Variants in SH3TC1 observed in about 807,000 individuals in gnomAD.
The protein encoded by SH3TC1 is SH3 domain and tetratricopeptide repeats 1.
Under a neutral mutation model 117.3 loss-of-function variants are expected in SH3TC1, and 135 were observed. That is an observed-to-expected ratio of 1.15 (90% CI 1.00 to 1.33). SH3TC1 has a LOEUF of 1.33. Among genes scored for constraint, SH3TC1 ranks in the 40% most tolerant of loss-of-function variants. The probability of loss-of-function intolerance (pLI) is 0.00; values close to 1 mark genes in which losing one functional copy is unlikely to be tolerated. For synonymous variants in SH3TC1, 898 were observed against 816.9 expected (o/e 1.10, Z -1.69); for missense variants, 2,092 against 1,794.3 (o/e 1.17, Z -3.00).
chr4:8,230,580 C>T (rs1578734423), intron 12 of SH3TC1, among the ~76,000 whole-genome samples: 1 of 152,134 alleles, frequency 6.6e-6, no homozygotes, highest in Admixed American at 6.5e-5. Context: ...ATTTTTACTT[C>T]CCATTTCCAC....
upstream of SH3TC1, among the ~76,000 whole-genome samples, chr4:8,198,101 G>GCCC (rs560401225): frequency 6.6e-6 from 1 of 152,114 alleles, no homozygotes; most frequent in Non-Finnish European, 1.5e-5. Context: ...GCACAGGACA[G>GCCC]CCCCCCGCCC....
chr4:8,237,463 C>G lies in SH3TC1; in HGVS notation c.3557-11C>G. 1 of 1,538,324 alleles carries G rather than the reference C, an allele frequency of 6.5e-7. No homozygotes were observed. The highest frequency in any genetic ancestry group is 8.7e-7 in the Non-Finnish European group (1 of 1,142,946). ...ACGTCCTCACACCTGCCCCCTTGGCCTGCACCCCAGGGGACCGGCTGAACG... is the reference window on the plus strand; with the variant it reads ...ACGTCCTCACACCTGCCCCCTTGGCGTGCACCCCAGGGGACCGGCTGAACG... On this transcript the variant is annotated splice_polypyrimidine_tract_variant and intron_variant, in intron 16 of 17. Transcript: ENST00000245105.
rs953919037 is a variant in SH3TC1 at position 8,192,423 on chromosome 4, C to A, written c.-57+10213C>A. Among the ~76,000 whole-genome samples the A allele has an allele frequency of 6.6e-6, 1 of 151,212 alleles. No homozygotes were observed. The highest frequency in any genetic ancestry group is 1.5e-5 in the Non-Finnish European group (1 of 67,764). On this transcript the variant is annotated intron_variant, in intron 1 of 16. Transcript: ENST00000508641. This position sits in a 1 kb window ranked among gnomAD's most constrained non-coding sequence, Gnocchi z 4.1. ...TTGTAAGCCTGAAGGTTGTAAATTA[C>A]AATCTTCTTATCCAACCACTTGTCT...
At chr4:8,216,001 C>A (rs1294270890) in intron 5 of SH3TC1, 110 bp from the exon 6 acceptor site, 12 of 1,324,940 alleles carry the variant, frequency 9.1e-6, no homozygotes, top group African/African-American at 2.9e-5. Context: ...CTTCCATGGT[C>A]TCCCTGGACC....
At chr4:8,191,978 T>C (rs1481184213) in intron 1 of SH3TC1, among the ~76,000 whole-genome samples, 1 of 149,946 alleles carries the variant, frequency 6.7e-6, no homozygotes, top group African/African-American at 2.5e-5. Flanking sequence ...TTTATTTATT[T>C]ATTTATTTAT....
rs1485595704 is a variant in SH3TC1 at position 8,204,498 on chromosome 4, C to A, written c.-28-669C>A. Among the ~76,000 whole-genome samples the A allele has an allele frequency of 5.9e-5, 9 of 152,168 alleles. No individual in the cohort carries two copies. In the East Asian group the frequency reaches 1.5e-3, roughly 26 times the overall value. ...GGTGTTCTGGAGGGGCAGGGTGGAC[C>A]TTTCCCCACCCACAATCAGTGAACA... On this transcript the variant is annotated intron_variant, in intron 1 of 17. Transcript: ENST00000245105.
Position 8,226,986 on chromosome 4 carries a change from C to T in SH3TC1, c.1292C>T (p.Pro431Leu), listed in dbSNP as rs775129516. The change falls in exon 12 of 18, where the codon CCT (proline) becomes CTT (leucine). Residue 431 changes from proline to leucine, a missense_variant. Pro to Leu is a moderately conservative substitution (Grantham distance 98, BLOSUM62 -3). Coordinates refer to ENST00000245105, the MANE Select transcript of SH3TC1 (RefSeq NM_018986.5). ...GTGTTTTTGTGACTTGCAGAAATAC[C>T]TCCACCTTGCCTGAGCCTGGAGCCA... The part of the protein sequence containing the change: ...ETEQPQEKEI[P>L]PPCLSLEPQE... 4.3e-5 allele frequency: 66 copies of T among 1,536,336 alleles called. No homozygotes were observed. Among genetic ancestry groups the T allele is most frequent in the Non-Finnish European group, 5.6e-5 (64 of 1,140,750 alleles).
At chr4:8,231,887 G>C in intron 12 of SH3TC1, 89 bp from the exon 13 acceptor site, 1 of 1,473,366 alleles carries the variant, frequency 6.8e-7, no homozygotes, top group Non-Finnish European at 9.2e-7. Context: ...AGGTGTGAAA[G>C]AGGCAAGCAC....
At chr4:8,233,312 T>C (rs1721416949) in intron 13 of SH3TC1, 51 bp from the exon 14 acceptor site, 3 of 1,552,048 alleles carry the variant, frequency 1.9e-6, no homozygotes, top group Non-Finnish European at 2.6e-6. Flanking sequence ...GGAGGCAGAC[T>C]GGTTCCAGGA....
upstream of SH3TC1, among the ~76,000 whole-genome samples, chr4:8,199,032 C>T (rs746351253): frequency 2.0e-4 from 30 of 152,242 alleles, no homozygotes; most frequent in Admixed American, 4.6e-4. Context: ...GTGGACTTCC[C>T]CAATCCCAGC....
chr4:8,217,298 C>T (rs906771132), intron 7 of SH3TC1, 131 bp downstream of exon 7: 6 of 1,131,936 alleles, frequency 5.3e-6, no homozygotes, highest in Non-Finnish European at 7.7e-6. Flanking sequence ...TGGCCTTGTT[C>T]TGCTGCTTCC....
chr4:8,193,691 C>G (rs953515377), intron 1 of SH3TC1, among the ~76,000 whole-genome samples: 3 of 152,202 alleles, frequency 2.0e-5, no homozygotes, highest in Non-Finnish European at 4.4e-5. Flanking sequence ...TAGGGTCCCA[C>G]AAAGCAGAGC....
At position 8,235,511 on chromosome 4, in the gene SH3TC1, T is replaced by C; in HGVS notation, c.3361T>C (p.Phe1121Leu). The C allele has an allele frequency of 6.2e-7, 1 of 1,607,034 alleles. No individual in the cohort carries two copies. The highest frequency in any genetic ancestry group is 8.5e-7 in the Non-Finnish European group (1 of 1,175,982). ...ELFEAAGDIFFDGAWEREKAV... is the reference protein window; with the variant it reads ...ELFEAAGDIFLDGAWEREKAV... Reference sequence around the variant, plus strand: ...GTTTGAGGCGGCTGGAGACATCTTCTTCGACGGGGCCTGGGAGCGGGAGAA... The same window carrying C: ...GTTTGAGGCGGCTGGAGACATCTTCCTCGACGGGGCCTGGGAGCGGGAGAA... Residue 1121 changes from phenylalanine (F) to leucine (L), a missense_variant, in exon 15 of 18, where the codon TTC becomes CTC. Transcript: ENST00000245105.
Position 8,227,804 on chromosome 4 carries a change from G to T in SH3TC1, c.2110G>T (p.Ala704Ser), listed in dbSNP as rs373404534. Reference sequence around the variant, plus strand: ...CAGGGACTCGGGAGCCCCAGAGGCCGCGTGGCTCTCAGACTGCTACCTACT... The same window carrying T: ...CAGGGACTCGGGAGCCCCAGAGGCCTCGTGGCTCTCAGACTGCTACCTACT... ...LHRDSGAPEA[A>S]WLSDCYLLLA... Residue 704 changes from alanine to serine, a missense_variant, in exon 12 of 18, where the codon GCG (alanine) becomes TCG (serine). Ala to Ser is a moderately conservative substitution (Grantham distance 99). Transcript: ENST00000245105. The T allele has an allele frequency of 5.6e-6, 9 of 1,612,646 alleles. No individual in the cohort carries two copies. In the East Asian group the frequency reaches 1.8e-4, roughly 32 times the overall value.
In SH3TC1 at chr4:8,206,784, G is replaced by C. The variant is rs1718244145; in HGVS notation, c.172+1418G>C. Among the ~76,000 whole-genome samples the C allele has an allele frequency of 6.6e-6, 1 of 151,938 alleles. No homozygotes were observed. Among genetic ancestry groups the C allele is most frequent in the Non-Finnish European group, 1.5e-5 (1 of 68,002 alleles). ...AGATAATTCCATTTGCCCATACCCA[G>C]GTTCCCTGAATGTTCGCATTTTAGG... On this transcript the variant is annotated intron_variant, in intron 2 of 17. Transcript: ENST00000245105. This position sits in a 1 kb window ranked among gnomAD's most constrained non-coding sequence, Gnocchi z 5.5.
chr4:8,237,351 A>AGGGACTGGCC, intron 16 of SH3TC1, 123 bp from the exon 17 acceptor site: 1 of 725,822 alleles, frequency 1.4e-6, no homozygotes, highest in Non-Finnish European at 2.1e-6. Flanking sequence ...GGAGCTGGGA[A>AGGGACTGGCC]GGGACTGGCC....
rs1018998690 is a variant in SH3TC1 at position 8,192,603 on chromosome 4, C to G, written c.-57+10393C>G. 7.9e-5 allele frequency among the ~76,000 whole-genome samples: 12 copies of G among 152,108 alleles called. No homozygotes were observed. Among genetic ancestry groups the G allele is most frequent in the African/African-American group, 2.4e-4 (10 of 41,418 alleles). ...CTGCCTACTGGGTTCAAGCAATTCTCCCGCCTCAGCCTCCTGAGTAGCTGG... is the reference window on the plus strand; with the variant it reads ...CTGCCTACTGGGTTCAAGCAATTCTGCCGCCTCAGCCTCCTGAGTAGCTGG... On this transcript the variant is annotated intron_variant, in intron 1 of 16. Coordinates refer to the SH3TC1 transcript ENST00000508641. This position sits in a 1 kb window ranked among gnomAD's most constrained non-coding sequence, Gnocchi z 4.1.
rs765366188 is a variant in SH3TC1 at position 8,205,338 on chromosome 4, C to A, written c.144C>A (p.Pro48=). Residue 48 remains proline, a synonymous_variant, in exon 2 of 18, where the codon CCC becomes CCA. Transcript: ENST00000245105. This position sits in a 1 kb window ranked among gnomAD's most constrained non-coding sequence, Gnocchi z 5.4. ...CTGTGAGCTGGGAGAAAGCGGGGCCCGAGGAGGCCAAGGCGCCAGTGAGAG... is the reference window on the plus strand; with the variant it reads ...CTGTGAGCTGGGAGAAAGCGGGGCCAGAGGAGGCCAAGGCGCCAGTGAGAG... ...RPSVSWEKAG[P]EEAKAPVRGD... is the part of the protein sequence containing the mutation. The A allele has an allele frequency of 6.5e-7, 1 of 1,549,518 alleles. No individual in the cohort carries two copies. Among genetic ancestry groups the A allele is most frequent in the South Asian group, 1.2e-5 (1 of 83,958 alleles).
rs10002039 is a variant in SH3TC1 at position 8,189,726 on chromosome 4, T to G, written c.-57+7516T>G. Among the ~76,000 whole-genome samples, 536 of 152,258 alleles carry G rather than the reference T, an allele frequency of 3.5e-3. 4 individuals carry two copies. Among genetic ancestry groups the G allele is most frequent in the African/African-American group, 0.012 (505 of 41,552 alleles). ...TGGTGTCTGGGCTGGCTACTGGCCATCAGAGAGGCAGACGGTGGCACTGGC... is the reference window on the plus strand; with the variant it reads ...TGGTGTCTGGGCTGGCTACTGGCCAGCAGAGAGGCAGACGGTGGCACTGGC... On this transcript the variant is annotated intron_variant, in intron 1 of 16. Transcript: ENST00000508641.
Sources: allele counts gnomAD v4.1 joint callset (sites outside exome capture counted in the v4.1 genomes callset), GRCh38; gene constraint gnomAD v4.1.1; non-coding constraint Gnocchi (gnomAD v3.1); transcripts MANE v1.5; gene names NCBI Gene and HGNC (gene_info 2026-07-23, HGNC 2026-07-21).